The following SLC24A2 variants were observed in gnomAD, a reference collection of about 807,000 sequenced individuals.
SLC24A2 encodes the protein sodium/potassium/calcium exchanger 2.
Under a neutral mutation model 62.0 loss-of-function variants are expected in SLC24A2, and 36 were observed. The observed-to-expected ratio is 0.58, with a 90% CI of 0.44 to 0.77. The LOEUF is 0.77. Among genes scored for constraint, SLC24A2 ranks in the 30% least tolerant of loss-of-function variants. SLC24A2 has a pLI of 0.00. For missense variants in SLC24A2, 846 were observed against 817.9 expected, an observed-to-expected ratio of 1.03 and a Z score of -0.42; for synonymous variants, 358 against 294.0, an observed-to-expected ratio of 1.22 and a Z score of -2.23.
chr9:19,914,033 C>T, the SLC24A2 span, among the ~76,000 whole-genome samples: 1 of 151,950 alleles, frequency 6.6e-6, no homozygotes, highest in African/African-American at 2.4e-5. Flanking sequence ...GGTAGTATGC[C>T]CAGTTTTCAA....
chr9:19,982,551 G>A, the SLC24A2 span, among the ~76,000 whole-genome samples: 3 of 152,138 alleles, frequency 2.0e-5, no homozygotes, highest in Non-Finnish European at 2.9e-5. Flanking sequence ...CAGGAAAGAA[G>A]AAAATTAGTT....
chr9:20,202,062 T>G, the SLC24A2 span, among the ~76,000 whole-genome samples: 1 of 146,390 alleles, frequency 6.8e-6, no homozygotes, highest in Non-Finnish European at 1.5e-5. Context: ...TGTGTGTGTG[T>G]GTGTGTGTGT....
intron 9 of SLC24A2, among the ~76,000 whole-genome samples, chr9:19,522,595 G>A (rs1833255030): frequency 6.6e-6 from 1 of 152,104 alleles, no homozygotes; most frequent in African/African-American, 2.4e-5. Flanking sequence ...CCAGAGCCTG[G>A]TGAGCTGAAC....
the SLC24A2 span, among the ~76,000 whole-genome samples, chr9:20,225,357 T>C: frequency 2.0e-5 from 3 of 150,880 alleles, no homozygotes; most frequent in African/African-American, 7.3e-5. Context: ...TAAATGGGTA[T>C]GGAAACAATA....
At chr9:20,277,451 G>T in the SLC24A2 span, among the ~76,000 whole-genome samples, 2 of 151,612 alleles carry the variant, frequency 1.3e-5, 1 homozygote, top group African/African-American at 4.9e-5. Flanking sequence ...CTTCTCAAAA[G>T]AAGACATTTA....
the SLC24A2 span, among the ~76,000 whole-genome samples, chr9:20,271,195 C>T: frequency 6.6e-6 from 1 of 152,226 alleles, no homozygotes; most frequent in Non-Finnish European, 1.5e-5. Context: ...AATTAATTCT[C>T]TTGCCCTATT....
the SLC24A2 span, among the ~76,000 whole-genome samples, chr9:20,051,657 C>CTTTTTTTTTTTTTTTTTTTTTTTTTT: frequency 1.2e-4 from 9 of 73,508 alleles, no homozygotes; most frequent in Admixed American, 4.0e-4. Context: ...TTTTCTTTCT[C>CTTTTTTTTTTTTTTTTTTTTTTTTTT]TTTTTTTTTT....
At chr9:19,547,817 G>A (rs1281153747) in intron 8 of SLC24A2, among the ~76,000 whole-genome samples, 2 of 151,586 alleles carry the variant, frequency 1.3e-5, no homozygotes, top group African/African-American at 4.9e-5. Context: ...GGACTAAACA[G>A]CAGAGCAAGA....
chr9:20,086,900 G>T, the SLC24A2 span, among the ~76,000 whole-genome samples: 3 of 152,200 alleles, frequency 2.0e-5, no homozygotes, highest in Admixed American at 6.5e-5. Flanking sequence ...CTTACAAGAG[G>T]TTATTTGAGT....
At chr9:19,740,318 A>G (rs914920689) in intron 2 of SLC24A2, among the ~76,000 whole-genome samples, 1 of 152,244 alleles carries the variant, frequency 6.6e-6, no homozygotes, top group African/African-American at 2.4e-5. Flanking sequence ...CAAGAGCTGG[A>G]AATAAGCCAA....
the SLC24A2 span, among the ~76,000 whole-genome samples, chr9:20,103,260 C>A: frequency 6.6e-6 from 1 of 152,232 alleles, no homozygotes; most frequent in Non-Finnish European, 1.5e-5. Flanking sequence ...AGCTCCACCT[C>A]TGGGGGCAGG....
intron 5 of SLC24A2, among the ~76,000 whole-genome samples, chr9:19,585,095 G>A (rs1262581479): frequency 6.6e-6 from 1 of 152,118 alleles, no homozygotes; most frequent in Admixed American, 6.6e-5. Context: ...AAATGAGGCA[G>A]CGGAATTTCC....
the SLC24A2 span, among the ~76,000 whole-genome samples, chr9:20,162,896 T>C: frequency 2.0e-5 from 3 of 152,214 alleles, no homozygotes; most frequent in African/African-American, 4.8e-5. Flanking sequence ...ATTATCTCAA[T>C]AGATGCAGAA....
At chr9:19,780,994 TAAATAG>T (rs1331730164) in intron 2 of SLC24A2, among the ~76,000 whole-genome samples, 1 of 127,920 alleles carries the variant, frequency 7.8e-6, no homozygotes, top group Non-Finnish European at 1.7e-5. Context: ...AAGGCCAAAA[TAAATAG>T]AAAGTATACA....
chr9:19,752,578 C>G (rs1401571760), intron 2 of SLC24A2, among the ~76,000 whole-genome samples: 1 of 119,124 alleles, frequency 8.4e-6, no homozygotes, highest in East Asian at 2.1e-4. Flanking sequence ...TGGAAAACTC[C>G]TTAAACTCAC....
At chr9:19,830,384 A>G in the SLC24A2 span, among the ~76,000 whole-genome samples, 5 of 152,202 alleles carry the variant, frequency 3.3e-5, no homozygotes, top group Admixed American at 1.3e-4. Context: ...GCATTATGTC[A>G]GATTTTGACA....
At chr9:19,518,098 C>T (rs1359740992) in intron 10 of SLC24A2, among the ~76,000 whole-genome samples, 1 of 152,064 alleles carries the variant, frequency 6.6e-6, no homozygotes, top group Admixed American at 6.5e-5. Flanking sequence ...ACTGAAAATG[C>T]AGATTAAACT....
chr9:19,550,075 T>A lies in SLC24A2; in HGVS notation c.1479+62A>T. ...CCTTTTAACACAAACTGAAGCAGAC[T>A]ATGCACCCTGTTATGTACCATATGT... On this transcript the variant is annotated intron_variant, in intron 8 of 10. Coordinates refer to ENST00000341998, the MANE Select transcript of SLC24A2 (RefSeq NM_020344.4). 3 of 1,546,922 alleles carry A rather than the reference T, an allele frequency of 1.9e-6. No homozygotes were observed. The South Asian group carries it at 3.4e-5, about 17-fold the overall frequency.
the SLC24A2 span, among the ~76,000 whole-genome samples, chr9:20,095,727 GTTA>G: frequency 3.3e-5 from 5 of 151,534 alleles, no homozygotes; most frequent in African/African-American, 1.2e-4. Flanking sequence ...TTTTCATGCT[GTTA>G]ATAAAGATAC....
Sources: gnomAD v4.1 joint callset for allele counts (sites outside exome capture counted in the v4.1 genomes callset) on GRCh38, gnomAD v4.1.1 for gene constraint, MANE v1.5 for transcripts, NCBI Gene and HGNC (gene_info 2026-07-23, HGNC 2026-07-21) for gene names.